Variants in NDUFAF2 observed in about 807,000 individuals in gnomAD.
NDUFAF2 encodes the protein NADH:ubiquinone oxidoreductase complex assembly factor 2.
A neutral mutation model predicts 22.8 loss-of-function variants in NDUFAF2; 13 were observed. That is an observed-to-expected ratio of 0.57 (90% CI 0.37 to 0.91). The LOEUF (loss-of-function observed/expected upper bound fraction) is 0.91, where lower values mean the gene tolerates loss of function less well. Ranked by LOEUF, NDUFAF2 falls within the 40% of genes least tolerant of loss-of-function variation. The pLI, the probability that NDUFAF2 is intolerant of heterozygous loss-of-function variation, is 0.01. For missense variants in NDUFAF2, 162 were observed against 195.2 expected, an observed-to-expected ratio of 0.83 and a Z score of 1.01; for synonymous variants, 53 against 64.2, an observed-to-expected ratio of 0.83 and a Z score of 0.84.
intron 3 of NDUFAF2, among the ~76,000 whole-genome samples, chr5:61,128,458 C>T (rs1753065517): frequency 6.6e-6 from 1 of 152,060 alleles, no homozygotes; most frequent in African/African-American, 2.4e-5. Context: ...GAGATATAGA[C>T]CAACGGAACA....
At chr5:61,091,790 G>T (rs1046307070) in intron 2 of NDUFAF2, among the ~76,000 whole-genome samples, 2 of 152,084 alleles carry the variant, frequency 1.3e-5, no homozygotes, top group African/African-American at 4.8e-5. Flanking sequence ...ATGCTCAGTG[G>T]TATTGCCTAA....
intron 3 of NDUFAF2, among the ~76,000 whole-genome samples, chr5:61,151,742 C>T (rs1245669567): frequency 2.0e-5 from 3 of 150,892 alleles, no homozygotes; most frequent in Non-Finnish European, 4.4e-5. Flanking sequence ...TGCGGTAAGC[C>T]GAGATCACAC....
chr5:61,123,367 C>A (rs1284127129), intron 3 of NDUFAF2, among the ~76,000 whole-genome samples: 2 of 152,090 alleles, frequency 1.3e-5, no homozygotes, highest in African/African-American at 2.4e-5. Flanking sequence ...ACTACACACC[C>A]TGTCTATATA....
At chr5:60,960,027 A>G (rs1750663654) in intron 1 of NDUFAF2, among the ~76,000 whole-genome samples, 1 of 152,098 alleles carries the variant, frequency 6.6e-6, no homozygotes, top group Admixed American at 6.5e-5. Context: ...TCAGTTCTTT[A>G]TGCTTTATGC....
At chr5:61,150,104 G>T (rs1256506244) in intron 3 of NDUFAF2, among the ~76,000 whole-genome samples, 7 of 152,036 alleles carry the variant, frequency 4.6e-5, no homozygotes, top group Non-Finnish European at 1.0e-4. Context: ...GCTAATTTTT[G>T]TATTTTTAGT....
At chr5:61,041,105 T>C (rs911400582) in intron 1 of NDUFAF2, among the ~76,000 whole-genome samples, 2 of 152,140 alleles carry the variant, frequency 1.3e-5, no homozygotes, top group African/African-American at 4.8e-5. Context: ...TACAAATGTG[T>C]TTAAAGTAAC....
Position 60,945,209 on chromosome 5 carries a change from C to G in NDUFAF2, c.-47C>G. On this transcript the variant is annotated 5_prime_UTR_variant, in exon 1 of 4. Transcript: ENST00000296597. ...TGGGTCGGCGGCTGGAGCATTACCC[C>G]TACTGCGGGTCCCGCTGCTGGCAGC... 1 of 1,605,034 alleles carries G rather than the reference C, an allele frequency of 6.2e-7. No individual in the cohort carries two copies. Among genetic ancestry groups the G allele is most frequent in the Non-Finnish European group, 8.5e-7 (1 of 1,176,726 alleles).
chr5:61,051,048 C>G (rs1282303170), intron 1 of NDUFAF2, among the ~76,000 whole-genome samples: 1 of 152,104 alleles, frequency 6.6e-6, no homozygotes, highest in Admixed American at 6.5e-5. Context: ...GCTGATTTTC[C>G]AGTGACGCAG....
chr5:61,047,616 C>T (rs1751969832), intron 1 of NDUFAF2, among the ~76,000 whole-genome samples: 1 of 152,010 alleles, frequency 6.6e-6, no homozygotes, highest in Non-Finnish European at 1.5e-5. Flanking sequence ...TTGTAACATC[C>T]ATTATCTTCT....
intron 1 of NDUFAF2, among the ~76,000 whole-genome samples, chr5:61,034,914 G>A (rs1363615): frequency 0.11 from 7,168 of 65,818 alleles, 234 homozygotes; most frequent in African/African-American, 0.2. Flanking sequence ...AAATATATAT[G>A]TGTGTGTGTG....
At chr5:61,039,599 A>G (rs986036696) in intron 1 of NDUFAF2, among the ~76,000 whole-genome samples, 1 of 152,178 alleles carries the variant, frequency 6.6e-6, no homozygotes. Flanking sequence ...CTGTTTTGCC[A>G]ATTAACTTAG....
chr5:61,101,312 A>G (rs1185276027), intron 3 of NDUFAF2, among the ~76,000 whole-genome samples: 1 of 152,152 alleles, frequency 6.6e-6, no homozygotes, highest in African/African-American at 2.4e-5. Flanking sequence ...GACAAAAGAA[A>G]ACCTTAAGCC....
chr5:61,039,699 T>C (rs542428190), intron 1 of NDUFAF2, among the ~76,000 whole-genome samples: 8 of 152,330 alleles, frequency 5.3e-5, no homozygotes, highest in Admixed American at 3.9e-4. Flanking sequence ...TTAATGATTA[T>C]GGCTGTATTT....
intron 2 of NDUFAF2, among the ~76,000 whole-genome samples, chr5:61,094,896 G>A (rs1461662096): frequency 2.0e-5 from 3 of 152,138 alleles, no homozygotes; most frequent in African/African-American, 4.8e-5. Context: ...ACTTGTAGGA[G>A]GGGGCTAGAG....
intron 1 of NDUFAF2, among the ~76,000 whole-genome samples, chr5:61,032,724 A>G (rs1264918606): frequency 6.6e-6 from 1 of 152,128 alleles, no homozygotes; most frequent in South Asian, 2.1e-4. Context: ...TTTTGGTTCC[A>G]TGTGAACTTT....
intron 3 of NDUFAF2, among the ~76,000 whole-genome samples, chr5:61,138,501 C>A (rs1015458607): frequency 7.2e-5 from 11 of 152,166 alleles, no homozygotes; most frequent in Admixed American, 2.0e-4. Flanking sequence ...CCTCCTCCCC[C>A]CCAGATCGTG....
In NDUFAF2 at chr5:61,045,459, T is replaced by A. The variant is rs538547584; in HGVS notation, c.128-27666T>A. Among the ~76,000 whole-genome samples the A allele has an allele frequency of 1.4e-4, 21 of 151,602 alleles. No homozygotes were observed. In the East Asian group the frequency reaches 3.9e-3, roughly 28 times the overall value. ...TTTTTTGTAGCTATTGTAAGTGGAATTGTTTCCTTGACTTTTTTTCTATTT... is the reference window on the plus strand; with the variant it reads ...TTTTTTGTAGCTATTGTAAGTGGAAATGTTTCCTTGACTTTTTTTCTATTT... On this transcript the variant is annotated intron_variant, in intron 1 of 3. Transcript: ENST00000296597.
chr5:61,007,164 T>C (rs1005437975), intron 1 of NDUFAF2, among the ~76,000 whole-genome samples: 2 of 151,990 alleles, frequency 1.3e-5, no homozygotes, highest in Admixed American at 6.6e-5. Flanking sequence ...CCATTGCTTT[T>C]GGTGTTTTAG....
chr5:61,065,723 C>T (rs56284222), intron 1 of NDUFAF2, among the ~76,000 whole-genome samples: 64,969 of 151,846 alleles, frequency 0.43, 14,645 homozygotes, highest in East Asian at 0.81. Flanking sequence ...TTATTAAAAA[C>T]GCACAGTTAA....
Sources: allele counts gnomAD v4.1 joint callset (sites outside exome capture counted in the v4.1 genomes callset), GRCh38; gene constraint gnomAD v4.1.1; transcripts MANE v1.5; gene names NCBI Gene and HGNC (gene_info 2026-07-23, HGNC 2026-07-21).